The following ELP4 variants were observed in gnomAD, a reference collection of about 807,000 sequenced individuals.
ELP4 encodes the protein elongator complex protein 4.
A neutral mutation model predicts 48.9 loss-of-function variants in ELP4; 51 were observed. That is an observed-to-expected ratio of 1.04 (90% CI 0.83 to 1.32). The LOEUF (loss-of-function observed/expected upper bound fraction) is 1.32. Among genes scored for constraint, ELP4 ranks in the 40% most tolerant of loss-of-function variants. The pLI is 0.00. For synonymous variants in ELP4, 210 were observed against 189.2 expected (o/e 1.11, Z -0.90); for missense variants, 519 against 514.6 (o/e 1.01, Z -0.08).
intron 9 of ELP4, chr11:31,651,128 C>T (rs1565096478): frequency 6.6e-6 from 1 of 151,704 alleles, no homozygotes; most frequent in Non-Finnish European, 1.5e-5. Context: ...GTGTTTGGGA[C>T]TTCACCCTTA....
At chr11:31,540,303 G>A (rs7109043) in intron 3 of ELP4, among the ~76,000 whole-genome samples, 97,755 of 152,060 alleles carry the variant, frequency 0.64, 33,377 homozygotes, top group African/African-American at 0.89. Flanking sequence ...GCCTGAAACT[G>A]TTAGATAAAG....
intron 9 of ELP4, among the ~76,000 whole-genome samples, chr11:31,740,224 T>C (rs890461138): frequency 6.6e-6 from 1 of 152,238 alleles, no homozygotes; most frequent in African/African-American, 2.4e-5. Context: ...AGGGTTTTTT[T>C]CTCCTCTCAA....
intron 9 of ELP4, among the ~76,000 whole-genome samples, chr11:31,753,505 G>A (rs1268572439): frequency 1.3e-5 from 2 of 152,190 alleles, no homozygotes; most frequent in East Asian, 1.9e-4. Flanking sequence ...AAAGAAGTAA[G>A]AGAAACAGGA....
At chr11:31,614,163 AAAT>A (rs1200648928) in intron 5 of ELP4, among the ~76,000 whole-genome samples, 1 of 152,176 alleles carries the variant, frequency 6.6e-6, no homozygotes, top group Non-Finnish European at 1.5e-5. Context: ...GAAATTATTA[AAAT>A]AATCGCAGAA....
chr11:31,727,593 A>T (rs1303420678), intron 9 of ELP4, among the ~76,000 whole-genome samples: 4 of 152,172 alleles, frequency 2.6e-5, no homozygotes, highest in African/African-American at 9.6e-5. Flanking sequence ...GTCAGTGAAC[A>T]TAGTAAATGT....
intron 3 of ELP4, among the ~76,000 whole-genome samples, chr11:31,593,837 G>A (rs2133988589): frequency 6.6e-6 from 1 of 152,270 alleles, no homozygotes; most frequent in Middle Eastern, 3.4e-3. Flanking sequence ...TAATTAAAAT[G>A]TGAATTCACT....
intron 9 of ELP4, among the ~76,000 whole-genome samples, chr11:31,726,208 G>C (rs1280488908): frequency 2.0e-5 from 3 of 152,150 alleles, no homozygotes; most frequent in Non-Finnish European, 4.4e-5. Flanking sequence ...GGGAACATCA[G>C]ATCAAGGGGT....
Position 31,556,717 on chromosome 11 carries a change from A to C in ELP4, c.381+16934A>C, listed in dbSNP as rs552235492. On this transcript the variant is annotated intron_variant, in intron 3 of 9. Coordinates refer to ENST00000640961, the MANE Select transcript of ELP4 (RefSeq NM_019040.5). ...ATCTAAGATCGAGAGCAAAACATAA[A>C]TTGTTGCATTAACTTTCGAATTATC... 2.6e-5 allele frequency among the ~76,000 whole-genome samples: 4 copies of C among 152,044 alleles called. No homozygotes were observed. The South Asian group carries it at 8.3e-4, about 31-fold the overall frequency.
At chr11:31,662,841 A>G (rs776098138) in intron 9 of ELP4, 5 of 319,646 alleles carry the variant, frequency 1.6e-5, no homozygotes, top group South Asian at 1.6e-4. Flanking sequence ...CCTAGATTTC[A>G]TAAAAGGTTA....
At chr11:31,725,195 AGG>A (rs1947051752) in intron 9 of ELP4, among the ~76,000 whole-genome samples, 8 of 152,164 alleles carry the variant, frequency 5.3e-5, no homozygotes, top group Non-Finnish European at 1.0e-4. Flanking sequence ...AGTTTTTCAG[AGG>A]CCCTGTGATG....
rs1391323838 is a variant in ELP4, at chr11:31,677,768, A to G, written c.1143+27547A>G. 4.6e-5 allele frequency among the ~76,000 whole-genome samples: 7 copies of G among 152,334 alleles called. No individual in the cohort carries two copies. In the East Asian group the frequency reaches 1.4e-3, roughly 29 times the overall value. ...ATATAGAGTTCTCATATACCCATCC[A>G]CACTCATTCCTCAGTTTCCCCTATT... On this transcript the variant is annotated intron_variant, in intron 9 of 9. Transcript: ENST00000640961.
intron 3 of ELP4, among the ~76,000 whole-genome samples, chr11:31,544,987 C>A (rs558921380): frequency 1.5e-4 from 23 of 152,182 alleles, no homozygotes; most frequent in African/African-American, 5.3e-4. Context: ...GACATCCACA[C>A]CAAAAACCCA....
At chr11:31,771,999 T>A (rs965693096) in intron 9 of ELP4, among the ~76,000 whole-genome samples, 1 of 151,568 alleles carries the variant, frequency 6.6e-6, no homozygotes, top group Admixed American at 6.6e-5. Context: ...AAAAATTAGG[T>A]CTTAGCTCAA....
intron 4 of ELP4, among the ~76,000 whole-genome samples, chr11:31,597,045 A>G (rs1344383203): frequency 2.6e-5 from 4 of 152,210 alleles, no homozygotes; most frequent in Admixed American, 6.5e-5. Context: ...TTTGCTGGTG[A>G]AAATGTAAAA....
intron 9 of ELP4, among the ~76,000 whole-genome samples, chr11:31,670,686 G>A (rs1399420471): frequency 1.3e-5 from 2 of 152,006 alleles, no homozygotes; most frequent in Admixed American, 6.6e-5. Flanking sequence ...GCAAAGGGAG[G>A]CTTTTGCGTT....
intron 7 of ELP4, among the ~76,000 whole-genome samples, chr11:31,636,506 C>G (rs1944979980): frequency 6.6e-6 from 1 of 151,794 alleles, no homozygotes; most frequent in African/African-American, 2.4e-5. Context: ...ATTAGTTACC[C>G]TTTATTGTAC....
intron 3 of ELP4, among the ~76,000 whole-genome samples, chr11:31,559,850 C>G (rs528527911): frequency 6.7e-6 from 1 of 149,162 alleles, no homozygotes; most frequent in Non-Finnish European, 1.5e-5. Flanking sequence ...TTGCGGCGAG[C>G]TGAGATTGCG....
At chr11:31,520,576 T>G (rs879514095) in intron 2 of ELP4, among the ~76,000 whole-genome samples, 3 of 152,032 alleles carry the variant, frequency 2.0e-5, no homozygotes, top group Non-Finnish European at 4.4e-5. Flanking sequence ...ATAATTGCCT[T>G]CCTTCTTTTT....
intron 9 of ELP4, among the ~76,000 whole-genome samples, chr11:31,735,475 G>A (rs1947291208): frequency 6.6e-6 from 1 of 152,058 alleles, no homozygotes; most frequent in South Asian, 2.1e-4. Flanking sequence ...TTCTGGCCAG[G>A]GCAATCAGGC....
Sources: allele counts gnomAD v4.1 joint callset (sites outside exome capture counted in the v4.1 genomes callset), GRCh38; gene constraint gnomAD v4.1.1; transcripts MANE v1.5; gene names NCBI Gene and HGNC (gene_info 2026-07-23, HGNC 2026-07-21).